CMSS1: variants seen among roughly 807,000 people sequenced by gnomAD.
CMSS1 encodes protein CMSS1.
CMSS1 carries 33 observed loss-of-function variants against 43.5 expected under a neutral mutation model. That is an observed-to-expected ratio of 0.76 (90% confidence interval 0.57 to 1.01). CMSS1 has a LOEUF of 1.01. CMSS1 is among the 50% of genes least tolerant of loss of function. The pLI, the probability that CMSS1 is intolerant of heterozygous loss-of-function variation, is 0.00. For synonymous variants in CMSS1, 115 were observed against 117.2 expected (o/e 0.98, Z 0.12); for missense variants, 313 against 326.4 (o/e 0.96, Z 0.32).
chr3:99,968,419 G>T (rs1331370563), intron 1 of CMSS1, among the ~76,000 whole-genome samples: 1 of 147,378 alleles, frequency 6.8e-6, no homozygotes, highest in Non-Finnish European at 1.5e-5. Flanking sequence ...GAAAAACTAT[G>T]TTTTTGGGGG....
intron 4 of CMSS1, among the ~76,000 whole-genome samples, chr3:100,164,369 C>T (rs1006066585): frequency 1.3e-5 from 2 of 152,138 alleles, no homozygotes; most frequent in Non-Finnish European, 2.9e-5. Flanking sequence ...CATGGAACAT[C>T]GTAAACCTTG....
At chr3:100,098,585 A>G (rs1170642788) in intron 1 of CMSS1, among the ~76,000 whole-genome samples, 1 of 152,226 alleles carries the variant, frequency 6.6e-6, no homozygotes, top group African/African-American at 2.4e-5. Flanking sequence ...CTTGCTGCTA[A>G]TCAATACCAG....
intron 1 of CMSS1, among the ~76,000 whole-genome samples, chr3:99,838,645 G>A (rs368447162): frequency 6.6e-6 from 1 of 152,158 alleles, no homozygotes; most frequent in African/African-American, 2.4e-5. Context: ...TTGCAACTCA[G>A]TGTGTTGCCA....
At chr3:99,887,213 G>C (rs551689350) in intron 1 of CMSS1, among the ~76,000 whole-genome samples, 1 of 151,946 alleles carries the variant, frequency 6.6e-6, no homozygotes, top group South Asian at 2.1e-4. Flanking sequence ...GTCGCGGTTA[G>C]CCGAGATTGA....
At chr3:99,955,255 A>T (rs1576598664) in intron 1 of CMSS1, among the ~76,000 whole-genome samples, 1 of 152,332 alleles carries the variant, frequency 6.6e-6, no homozygotes, top group African/African-American at 2.4e-5. Context: ...CAGAGGATGG[A>T]ACAGAGCTAT....
intron 1 of CMSS1, among the ~76,000 whole-genome samples, chr3:100,078,066 T>C (rs2065877185): frequency 6.6e-6 from 1 of 151,542 alleles, no homozygotes; most frequent in African/African-American, 2.4e-5. Flanking sequence ...TAAGTTAGAA[T>C]TGGGCTTGCT....
chr3:99,842,441 T>C (rs114613518), intron 1 of CMSS1, among the ~76,000 whole-genome samples: 8,461 of 151,088 alleles, frequency 0.056, 300 homozygotes, highest in Admixed American at 0.097. Flanking sequence ...AAAGAACTTA[T>C]TCATGTAACC....
At chr3:99,895,346 C>T (rs557260519) in intron 1 of CMSS1, among the ~76,000 whole-genome samples, 1 of 150,486 alleles carries the variant, frequency 6.6e-6, no homozygotes, top group Non-Finnish European at 1.5e-5. Flanking sequence ...CAGTTGGTCT[C>T]ATATATTTAG....
At chr3:100,178,239 A>G in intron 9 of CMSS1, 66 bp from the exon 10 acceptor site, 1 of 918,874 alleles carries the variant, frequency 1.1e-6, no homozygotes, top group Non-Finnish European at 1.8e-6. Context: ...CTGATGGTTG[A>G]ATGTATTCAC....
intron 1 of CMSS1, among the ~76,000 whole-genome samples, chr3:99,842,502 G>T (rs1576502039): frequency 1.4e-5 from 1 of 69,504 alleles, no homozygotes; most frequent in African/African-American, 7.9e-5. Context: ...ATTAAAACAG[G>T]CCAAAAAAAA....
At chr3:99,913,376 G>T (rs1706853266) in intron 1 of CMSS1, among the ~76,000 whole-genome samples, 1 of 152,146 alleles carries the variant, frequency 6.6e-6, no homozygotes, top group Non-Finnish European at 1.5e-5. Context: ...TTATCTTTTT[G>T]ATTAAAGTTA....
chr3:99,912,521 G>A (rs1340468052), intron 1 of CMSS1, among the ~76,000 whole-genome samples: 4 of 152,278 alleles, frequency 2.6e-5, no homozygotes, highest in South Asian at 2.1e-4. Flanking sequence ...GGGACTGCAG[G>A]TGCATGCCAG....
At chr3:100,021,956 T>TGAGAGA (rs1271947896) in intron 1 of CMSS1, among the ~76,000 whole-genome samples, 4 of 94,554 alleles carry the variant, frequency 4.2e-5, no homozygotes, top group Non-Finnish European at 7.1e-5. Flanking sequence ...TGTGTGTGTG[T>TGAGAGA]GTGTGAGAGA....
At chr3:99,961,992 C>T (rs941051003) in intron 1 of CMSS1, among the ~76,000 whole-genome samples, 1 of 152,088 alleles carries the variant, frequency 6.6e-6, no homozygotes, top group Non-Finnish European at 1.5e-5. Flanking sequence ...TATAGGGGCC[C>T]CAAATTTAGC....
intron 1 of CMSS1, among the ~76,000 whole-genome samples, chr3:99,949,553 A>G (rs966897671): frequency 1.3e-5 from 2 of 152,214 alleles, no homozygotes; most frequent in Non-Finnish European, 2.9e-5. Context: ...AAAAACAAAC[A>G]ATTCTATAGC....
intron 1 of CMSS1, among the ~76,000 whole-genome samples, chr3:99,959,952 A>G (rs997391100): frequency 1.3e-5 from 2 of 152,154 alleles, no homozygotes; most frequent in Non-Finnish European, 2.9e-5. Flanking sequence ...GATGGCTAAC[A>G]TCTGTCACTT....
intron 1 of CMSS1, among the ~76,000 whole-genome samples, chr3:99,989,431 C>T (rs1168399511): frequency 1.3e-5 from 2 of 152,036 alleles, no homozygotes; most frequent in Non-Finnish European, 2.9e-5. Flanking sequence ...TTACTGTGTC[C>T]CCCACATTTT....
intron 1 of CMSS1, among the ~76,000 whole-genome samples, chr3:100,139,202 G>A (rs2071518265): frequency 6.6e-6 from 1 of 152,100 alleles, no homozygotes. Context: ...TGGGTGAGGG[G>A]TGAAGGGAGG....
chr3:100,038,473 C>G (rs1485862419), intron 1 of CMSS1, among the ~76,000 whole-genome samples: 1 of 152,102 alleles, frequency 6.6e-6, no homozygotes, highest in Admixed American at 6.5e-5. Context: ...CGGAAACAGG[C>G]AATACTACTC....
Sources: allele counts gnomAD v4.1 joint callset (sites outside exome capture counted in the v4.1 genomes callset), GRCh38; gene constraint gnomAD v4.1.1; transcripts MANE v1.5; gene names NCBI Gene and HGNC (gene_info 2026-07-23, HGNC 2026-07-21).